MTR: variants seen among roughly 807,000 people sequenced by gnomAD.
MTR encodes the protein 5-methyltetrahydrofolate-homocysteine methyltransferase.
MTR carries 84 observed loss-of-function variants against 154.8 expected under a neutral mutation model. The ratio of observed to expected loss-of-function variants is 0.54; its 90% CI spans 0.45 to 0.65. The LOEUF (loss-of-function observed/expected upper bound fraction) is 0.65, where lower values mean the gene tolerates loss of function less well. Among genes scored for constraint, MTR ranks in the 30% least tolerant of loss-of-function variants. The pLI, the probability that MTR is intolerant of heterozygous loss-of-function variation, is 0.00. For synonymous variants in MTR, 554 were observed against 553.9 expected (o/e 1.00, Z 0.00); for missense variants, 1,275 against 1,570.2 (o/e 0.81, Z 3.18).
chr1:236,819,120 A>C (rs77021106), intron 8 of MTR, among the ~76,000 whole-genome samples: 2,686 of 152,298 alleles, frequency 0.018, 80 homozygotes, highest in African/African-American at 0.061. Flanking sequence ...TATTAACTGA[A>C]GTCTGTAGTT....
chr1:236,804,395 T>A (rs1160063604), intron 2 of MTR, among the ~76,000 whole-genome samples: 3 of 152,250 alleles, frequency 2.0e-5, no homozygotes, highest in Non-Finnish European at 4.4e-5. Flanking sequence ...CATTATAAAA[T>A]TCTAAGATAC....
intron 29 of MTR, among the ~76,000 whole-genome samples, chr1:236,893,027 A>G (rs1258140642): frequency 2.6e-5 from 4 of 152,100 alleles, no homozygotes; most frequent in Non-Finnish European, 4.4e-5. Context: ...ACTCTGGAAC[A>G]TTCTGGTGGC....
intron 28 of MTR, among the ~76,000 whole-genome samples, chr1:236,890,282 G>A (rs971684020): frequency 2.0e-5 from 3 of 152,170 alleles, no homozygotes; most frequent in African/African-American, 4.8e-5. Context: ...TCCAGGGGCC[G>A]TGGGACAGGC....
intron 8 of MTR, among the ~76,000 whole-genome samples, chr1:236,822,811 G>A (rs867095623): frequency 8.5e-5 from 13 of 152,088 alleles, no homozygotes; most frequent in South Asian, 8.3e-4. Context: ...TTTCCAATCC[G>A]TATGTGTACC....
chr1:236,840,843 C>T (rs1177420471), intron 15 of MTR, among the ~76,000 whole-genome samples: 1 of 152,134 alleles, frequency 6.6e-6, no homozygotes, highest in East Asian at 1.9e-4. Flanking sequence ...GCAGCGATTT[C>T]CCCTTCTAGA....
intron 25 of MTR, 111 bp downstream of exon 25, chr1:236,880,947 C>A: frequency 9.1e-7 from 1 of 1,093,282 alleles, no homozygotes; most frequent in South Asian, 1.3e-5. Context: ...AAATAAAGGT[C>A]AAAGAGCAGC....
chr1:236,810,639 C>T (rs181640793), intron 5 of MTR, 44 bp downstream of exon 5: 4 of 1,481,590 alleles, frequency 2.7e-6, no homozygotes, highest in East Asian at 2.3e-5. Flanking sequence ...GGGAAGTACT[C>T]CCCAAGCTTC....
chr1:236,862,233 C>T lies in MTR; in HGVS notation c.2197-3C>T, dbSNP rs1369747344. ...GATACCTGATCTATGCTTTTTTTCTCAGGTTATAAAGTCAGCCCGGGTTAT... is the reference window on the plus strand; with the variant it reads ...GATACCTGATCTATGCTTTTTTTCTTAGGTTATAAAGTCAGCCCGGGTTAT... On this transcript the variant is annotated splice_polypyrimidine_tract_variant and splice_region_variant and intron_variant, in intron 20 of 32. Coordinates refer to ENST00000366577, the MANE Select transcript of MTR (RefSeq NM_000254.3). The T allele has an allele frequency of 2.5e-6, 4 of 1,611,676 alleles. No homozygotes were observed. The highest frequency in any genetic ancestry group is 3.4e-6 in the Non-Finnish European group (4 of 1,177,848).
chr1:236,896,951 G>A, intron 31 of MTR, 55 bp from the exon 32 acceptor site: 1 of 1,301,044 alleles, frequency 7.7e-7, no homozygotes, highest in Non-Finnish European at 1.1e-6. Flanking sequence ...GCTAGCTGCA[G>A]GCCCTGTGCT....
intron 30 of MTR, 132 bp from the exon 31 acceptor site, chr1:236,895,226 T>G (rs1435069946): frequency 1.0e-6 from 1 of 997,230 alleles, no homozygotes; most frequent in Non-Finnish European, 1.5e-6. Context: ...TGTTTCCTCT[T>G]GTCAAATTTC....
chr1:236,842,305 T>C (rs1663299956), intron 15 of MTR, among the ~76,000 whole-genome samples: 1 of 152,224 alleles, frequency 6.6e-6, no homozygotes, highest in Non-Finnish European at 1.5e-5. Flanking sequence ...AGCCATCCAT[T>C]ATGCTGGCAC....
intron 29 of MTR, among the ~76,000 whole-genome samples, chr1:236,891,968 C>T (rs1666348849): frequency 6.6e-6 from 1 of 152,066 alleles, no homozygotes; most frequent in Admixed American, 6.6e-5. Context: ...GGCTTTTTTT[C>T]TTTCGAGTGA....
intron 29 of MTR, among the ~76,000 whole-genome samples, chr1:236,891,610 G>C (rs1262094245): frequency 4.6e-5 from 7 of 152,158 alleles, no homozygotes; most frequent in African/African-American, 1.7e-4. Context: ...GTCTCAGGTG[G>C]TCACGTGTCA....
At chr1:236,882,573 A>G (rs1665804767) in intron 25 of MTR, among the ~76,000 whole-genome samples, 1 of 151,922 alleles carries the variant, frequency 6.6e-6, no homozygotes, top group Non-Finnish European at 1.5e-5. Flanking sequence ...TTGTATTTTT[A>G]GTAGAGATGG....
intron 27 of MTR, among the ~76,000 whole-genome samples, chr1:236,887,667 A>G (rs1666091231): frequency 6.6e-6 from 1 of 152,246 alleles, no homozygotes; most frequent in South Asian, 2.1e-4. Context: ...AACCTCTGGC[A>G]TGGGCTACTG....
In MTR at chr1:236,874,765, A is replaced by G; in HGVS notation, c.2513A>G (p.Asp838Gly). The change falls in exon 24 of 33, where the codon GAT (aspartate) becomes GGT (glycine). Residue 838 changes from aspartate to glycine, a missense_variant. By Grantham distance (94) the Asp-to-Gly change is moderately conservative. Coordinates refer to ENST00000366577, the MANE Select transcript of MTR (RefSeq NM_000254.3). ...TCAGGACTCATCACTCCTTCCCTGGATGAAATGATTTTTGTTGCCAAGGAA... is the reference window on the plus strand; with the variant it reads ...TCAGGACTCATCACTCCTTCCCTGGGTGAAATGATTTTTGTTGCCAAGGAA... Reference protein sequence around the residue: ...GLSGLITPSLDEMIFVAKEME... With the variant: ...GLSGLITPSLGEMIFVAKEME... 1 of 1,611,914 alleles carries G rather than the reference A, an allele frequency of 6.2e-7. No individual in the cohort carries two copies. Among genetic ancestry groups the G allele is most frequent in the Non-Finnish European group, 8.5e-7 (1 of 1,178,982 alleles).
intron 18 of MTR, among the ~76,000 whole-genome samples, chr1:236,858,039 G>T (rs1449954820): frequency 1.3e-5 from 2 of 152,136 alleles, no homozygotes; most frequent in Non-Finnish European, 2.9e-5. Flanking sequence ...TGATGGGGAG[G>T]GGAGCATAAG....
rs1285504901 is a variant in MTR at position 236,850,331 on chromosome 1, C to T, written c.1516-13C>T. 1 of 1,604,652 alleles carries T rather than the reference C, an allele frequency of 6.2e-7. No individual in the cohort carries two copies. The highest frequency in any genetic ancestry group is 8.5e-7 in the Non-Finnish European group (1 of 1,173,942). On this transcript the variant is annotated splice_polypyrimidine_tract_variant and intron_variant, in intron 15 of 32. Coordinates refer to ENST00000366577, the MANE Select transcript of MTR (RefSeq NM_000254.3). ...TTTCTATTTCAAACTACATCTTTTG[C>T]TCTTTTCCCTAGGCAACAGAAACAG...
intron 22 of MTR, 100 bp from the exon 23 acceptor site, chr1:236,873,672 AC>A (rs1013347140): frequency 5.2e-5 from 49 of 948,022 alleles, no homozygotes; most frequent in Non-Finnish European, 8.2e-5. Flanking sequence ...ATTCTCGTTT[AC>A]ATTAGAGCAG....
Sources: gnomAD v4.1 joint callset for allele counts (sites outside exome capture counted in the v4.1 genomes callset) on GRCh38, gnomAD v4.1.1 for gene constraint, MANE v1.5 for transcripts, NCBI Gene and HGNC (gene_info 2026-07-23, HGNC 2026-07-21) for gene names.